The following SMARCA4 variants were observed in gnomAD, a reference collection of about 807,000 sequenced individuals.
SMARCA4 encodes SWI/SNF related BAF chromatin remodeling complex subunit ATPase 4.
A neutral mutation model predicts 193.9 loss-of-function variants in SMARCA4; 31 were observed. That is an observed-to-expected ratio of 0.16 (90% CI 0.12 to 0.22). The LOEUF (loss-of-function observed/expected upper bound fraction) is 0.22, where lower values mean the gene tolerates loss of function less well. Ranked by LOEUF, SMARCA4 falls within the 10% of genes least tolerant of loss-of-function variation. The pLI is 1.00. For synonymous variants in SMARCA4, 942 were observed against 933.1 expected (o/e 1.01, Z -0.17); for missense variants, 1,148 against 2,296.0 (o/e 0.50, Z 10.22).
chr19:10,990,823 T>C (rs2086490451), intron 7 of SMARCA4, among the ~76,000 whole-genome samples: 1 of 152,180 alleles, frequency 6.6e-6, no homozygotes, highest in South Asian at 2.1e-4. Flanking sequence ...CCTCCCAAAG[T>C]GTTGGGATTA....
At chr19:10,983,301 A>G (rs952406679) in intron 1 of SMARCA4, among the ~76,000 whole-genome samples, 9 of 152,204 alleles carry the variant, frequency 5.9e-5, no homozygotes, top group African/African-American at 1.9e-4. Context: ...TTTGTGTAAT[A>G]CTTTATCCTT....
At chr19:11,054,114 A>G (rs6511719) in intron 30 of SMARCA4, among the ~76,000 whole-genome samples, 14,794 of 152,222 alleles carry the variant, frequency 0.097, 1,304 homozygotes, top group African/African-American at 0.24. Flanking sequence ...TACAAGGACA[A>G]GCACCACTCA....
At position 11,034,291 on chromosome 19, in the gene SMARCA4, C is replaced by A. The variant is rs2075129178; in HGVS notation, c.3951+91C>A. Reference sequence around the variant, plus strand: ...GACGTCCTAGTGCCCATGGTGGTATCCCTAGCAGGTCAGGGAGCCAGGGAC... The same window carrying A: ...GACGTCCTAGTGCCCATGGTGGTATACCTAGCAGGTCAGGGAGCCAGGGAC... On this transcript the variant is annotated intron_variant, in intron 28 of 34. Coordinates refer to ENST00000344626, the MANE Select transcript of SMARCA4 (RefSeq NM_003072.5). The surrounding 1 kb of genome is among the most constrained non-coding windows in gnomAD (Gnocchi z 7.0). 1.6e-5 allele frequency: 16 copies of A among 1,027,764 alleles called. No individual in the cohort carries two copies. Among genetic ancestry groups the A allele is most frequent in the South Asian group, 9.0e-5 (7 of 77,976 alleles). 63.7% of individuals were successfully genotyped at this position (1,027,764 alleles called of 1,614,324 possible).
chr19:10,967,838 C>A (rs988147895), intron 1 of SMARCA4, among the ~76,000 whole-genome samples: 1 of 151,728 alleles, frequency 6.6e-6, no homozygotes, highest in Non-Finnish European at 1.5e-5. Context: ...GCGTGCGCCA[C>A]CATGCCCGGC....
At chr19:11,017,251 C>T (rs777005198) in intron 16 of SMARCA4, among the ~76,000 whole-genome samples, 2 of 152,174 alleles carry the variant, frequency 1.3e-5, no homozygotes, top group Admixed American at 6.5e-5. Flanking sequence ...CCGGTACCTC[C>T]GGGAAGCATC....
intron 1 of SMARCA4, among the ~76,000 whole-genome samples, chr19:10,962,046 G>T (rs1394657678): frequency 6.8e-6 from 1 of 146,530 alleles, no homozygotes; most frequent in African/African-American, 2.5e-5. Flanking sequence ...AAGCCGCTTC[G>T]CAGGAATTTG....
At chr19:11,025,284 C>G (rs997661748) in intron 21 of SMARCA4, 138 bp from the exon 22 acceptor site, 1 of 687,512 alleles carries the variant, frequency 1.5e-6, no homozygotes, top group Non-Finnish European at 2.7e-6. Context: ...TCTCCTCACT[C>G]CCAATTGCTG....
intron 30 of SMARCA4, among the ~76,000 whole-genome samples, chr19:11,044,532 C>A (rs2075792470): frequency 6.6e-6 from 1 of 152,144 alleles, no homozygotes; most frequent in African/African-American, 2.4e-5. Context: ...GGGAAAGGTG[C>A]TCACGTCATT....
intron 1 of SMARCA4, among the ~76,000 whole-genome samples, chr19:10,963,859 C>T (rs2084007050): frequency 6.6e-6 from 1 of 150,432 alleles, no homozygotes; most frequent in Non-Finnish European, 1.5e-5. Context: ...GAGGCTGGGG[C>T]AGGAGGTACA....
At chr19:11,045,302 A>G (rs1233189735) in intron 30 of SMARCA4, among the ~76,000 whole-genome samples, 2 of 151,966 alleles carry the variant, frequency 1.3e-5, no homozygotes, top group African/African-American at 4.8e-5. Flanking sequence ...CCTGGGCGAC[A>G]GAGCGGGACT....
chr19:10,982,123 G>A (rs1465088971), intron 1 of SMARCA4, among the ~76,000 whole-genome samples: 2 of 151,912 alleles, frequency 1.3e-5, no homozygotes, highest in Non-Finnish European at 2.9e-5. Flanking sequence ...TGGATCACCT[G>A]AAGGTCAGAC....
chr19:11,019,081 C>A lies in SMARCA4; in HGVS notation c.2505+58C>A, dbSNP rs2146363682. On this transcript the variant is annotated intron_variant, in intron 17 of 34. Coordinates refer to ENST00000344626, the MANE Select transcript of SMARCA4 (RefSeq NM_003072.5). This position sits in a 1 kb window ranked among gnomAD's most constrained non-coding sequence, Gnocchi z 6.1. ...CTACGGAGGTGCAGGCGGTGGTGGG[C>A]AGGACGTCCACACATACCTCTGGAC... 7.7e-7 allele frequency: 1 copy of A among 1,305,268 alleles called. No individual in the cohort carries two copies. The highest frequency in any genetic ancestry group is 1.1e-6 in the Non-Finnish European group (1 of 898,156). 80.9% of individuals were successfully genotyped at this position (1,305,268 alleles called of 1,614,324 possible). A position where few individuals can be genotyped will look rare whatever the true frequency, so the allele number is the denominator to read the frequency against.
intron 6 of SMARCA4, among the ~76,000 whole-genome samples, chr19:10,988,230 T>C (rs2086242227): frequency 6.6e-6 from 1 of 152,084 alleles, no homozygotes; most frequent in Non-Finnish European, 1.5e-5. Flanking sequence ...AAGCGATTCT[T>C]CTGCCTCAGC....
rs878854199 is a variant in SMARCA4, at chr19:10,991,161, G to A, written c.1257G>A (p.Glu419=). 2 of 1,613,784 alleles carry A rather than the reference G, an allele frequency of 1.2e-6. No homozygotes were observed. The highest frequency in any genetic ancestry group is 2.2e-5 in the East Asian group (1 of 44,886). The part of the protein sequence containing the change: ...LLNFQRQLRQ[E]VVVCMRRDTA... The stretch of plus-strand genomic sequence containing the variant: ...CTTCCCTCCTACAGCTGCGCCAGGA[G>A]GTGGTGGTGTGCATGCGGAGGGACA... The change falls in exon 8 of 35, where the codon GAG becomes GAA. Residue 419 remains glutamate, a synonymous_variant. Transcript: ENST00000344626.
intron 1 of SMARCA4, among the ~76,000 whole-genome samples, chr19:10,973,920 C>T (rs1446882264): frequency 2.0e-5 from 3 of 152,072 alleles, no homozygotes; most frequent in Non-Finnish European, 2.9e-5. Flanking sequence ...TTGTAGTTCA[C>T]GCATAGTAAA....
intron 30 of SMARCA4, among the ~76,000 whole-genome samples, chr19:11,045,718 G>C (rs1452491590): frequency 6.6e-6 from 1 of 152,088 alleles, no homozygotes; most frequent in Non-Finnish European, 1.5e-5. Flanking sequence ...TGACAAAAGA[G>C]GGAATGGCTC....
intron 34 of SMARCA4, 161 bp downstream of exon 34, chr19:11,060,348 T>A (rs2076796109): frequency 2.3e-6 from 2 of 885,668 alleles, no homozygotes; most frequent in African/African-American, 1.7e-5. Context: ...ACACAGCCAG[T>A]ATGTGGCAGG....
intron 23 of SMARCA4, 145 bp from the exon 24 acceptor site, chr19:11,027,638 TG>T: frequency 1.2e-6 from 1 of 832,106 alleles, no homozygotes; most frequent in Non-Finnish European, 2.0e-6. Context: ...AAGCTTTGGG[TG>T]GGTGACGTCT....
chr19:11,003,313 G>A (rs372212874), intron 12 of SMARCA4, 27 bp from the exon 13 acceptor site: 2 of 1,611,408 alleles, frequency 1.2e-6, no homozygotes, highest in Admixed American at 3.3e-5. Flanking sequence ...GAGCAGATTT[G>A]TATGAAAGCC....
Sources: gnomAD v4.1 joint callset for allele counts (sites outside exome capture counted in the v4.1 genomes callset) on GRCh38, gnomAD v4.1.1 for gene constraint, Gnocchi (gnomAD v3.1) non-coding constraint, MANE v1.5 for transcripts, NCBI Gene and HGNC (gene_info 2026-07-23, HGNC 2026-07-21) for gene names.